The following CDK17 variants were observed in gnomAD, a reference collection of about 807,000 sequenced individuals.
CDK17 encodes the protein cyclin dependent kinase 17.
In CDK17, 24 loss-of-function variants were observed where a neutral mutation model predicts 77.6. That is an observed-to-expected ratio of 0.31 (90% CI 0.22 to 0.44). The LOEUF is 0.44. Among genes scored for constraint, CDK17 ranks in the 20% least tolerant of loss-of-function variants. The pLI is 1.00. For synonymous variants in CDK17, 203 were observed against 210.4 expected (o/e 0.96, Z 0.30); for missense variants, 429 against 622.5 (o/e 0.69, Z 3.31).
chr12:96,293,498 A>G (rs143094558), intron 10 of CDK17, among the ~76,000 whole-genome samples: 52 of 152,376 alleles, frequency 3.4e-4, no homozygotes, highest in Middle Eastern at 6.8e-3. Flanking sequence ...TCACACAGAT[A>G]TGAGGTTGAA....
rs1458305341 is a variant in CDK17 at position 96,290,824 on chromosome 12, G to A, written c.998-1537C>T. On this transcript the variant is annotated intron_variant, in intron 10 of 16. Transcript: ENST00000261211. Reference sequence around the variant, plus strand: ...ACTCTCCCACTCCTGAGAGGATTCCGAACTATGGTGTTTGTGTACATGGCC... The same window carrying A: ...ACTCTCCCACTCCTGAGAGGATTCCAAACTATGGTGTTTGTGTACATGGCC... Among the ~76,000 whole-genome samples the A allele has an allele frequency of 3.3e-5, 5 of 152,150 alleles. No homozygotes were observed. The South Asian group carries it at 6.2e-4, about 19-fold the overall frequency.
chr12:96,302,636 C>A (rs1197427702), intron 5 of CDK17, among the ~76,000 whole-genome samples: 1 of 151,978 alleles, frequency 6.6e-6, no homozygotes, highest in Non-Finnish European at 1.5e-5. Flanking sequence ...AGACTGTAAG[C>A]TAGGCATTTT....
At chr12:96,343,717 G>A (rs1016364434) in intron 1 of CDK17, among the ~76,000 whole-genome samples, 3 of 152,336 alleles carry the variant, frequency 2.0e-5, no homozygotes, top group East Asian at 1.9e-4. Context: ...GATGACAACA[G>A]CCTTCAACTA....
At chr12:96,338,557 A>G (rs1005487112) in intron 1 of CDK17, among the ~76,000 whole-genome samples, 8 of 151,952 alleles carry the variant, frequency 5.3e-5, no homozygotes, top group African/African-American at 1.9e-4. Flanking sequence ...CTAGTCACTA[A>G]TTTTTGTATT....
chr12:96,310,530 C>A (rs1266588076), intron 5 of CDK17, among the ~76,000 whole-genome samples: 1 of 151,848 alleles, frequency 6.6e-6, no homozygotes, highest in Non-Finnish European at 1.5e-5. Flanking sequence ...TAATCTTTAG[C>A]ATCAGAAGGC....
chr12:96,301,241 C>CA (rs376295045), intron 5 of CDK17, among the ~76,000 whole-genome samples: 33,366 of 85,244 alleles, frequency 0.39, 5,478 homozygotes, highest in East Asian at 0.61. Flanking sequence ...AACACTCGGC[C>CA]AAAAAAAAAA....
chr12:96,307,378 T>C (rs1316351455), intron 5 of CDK17, among the ~76,000 whole-genome samples: 1 of 152,176 alleles, frequency 6.6e-6, no homozygotes, highest in Non-Finnish European at 1.5e-5. Flanking sequence ...GAGGGCACTG[T>C]TTTTCTTAAT....
chr12:96,308,146 G>A (rs2137099137), intron 5 of CDK17, among the ~76,000 whole-genome samples: 1 of 146,340 alleles, frequency 6.8e-6, no homozygotes. Context: ...TATAATCCTA[G>A]CACTTCGGGA....
At chr12:96,304,589 C>A (rs1440328143) in intron 5 of CDK17, among the ~76,000 whole-genome samples, 1 of 152,100 alleles carries the variant, frequency 6.6e-6, no homozygotes, top group Non-Finnish European at 1.5e-5. Context: ...TTCAAACATT[C>A]ATTTCCCTCT....
intron 1 of CDK17, among the ~76,000 whole-genome samples, chr12:96,346,370 T>A (rs1244796475): frequency 1.3e-5 from 2 of 148,954 alleles, no homozygotes; most frequent in South Asian, 2.1e-4. Context: ...GAGAATCACT[T>A]GAACCTGGGA....
intron 5 of CDK17, among the ~76,000 whole-genome samples, chr12:96,303,703 T>C (rs183560563): frequency 3.6e-4 from 54 of 151,996 alleles, no homozygotes; most frequent in African/African-American, 1.2e-3. Context: ...TAAATTATAA[T>C]TTATAATAGT....
intron 3 of CDK17, among the ~76,000 whole-genome samples, chr12:96,320,164 C>G (rs561645634): frequency 1.8e-4 from 28 of 151,968 alleles, no homozygotes; most frequent in African/African-American, 6.8e-4. Context: ...ACACCAACAA[C>G]AGACAAACAG....
chr12:96,365,879 A>T (rs1484626342), intron 1 of CDK17, among the ~76,000 whole-genome samples: 3 of 152,016 alleles, frequency 2.0e-5, no homozygotes, highest in African/African-American at 4.8e-5. Context: ...TGTCTCAATT[A>T]AAAAAAAGTT....
intron 1 of CDK17, among the ~76,000 whole-genome samples, chr12:96,362,035 A>C (rs1953500424): frequency 1.3e-5 from 2 of 152,156 alleles, no homozygotes; most frequent in East Asian, 3.8e-4. Flanking sequence ...CTTTTTATTA[A>C]TATTTATCTT....
At chr12:96,312,482 A>G (rs893172889) in intron 4 of CDK17, among the ~76,000 whole-genome samples, 1 of 152,140 alleles carries the variant, frequency 6.6e-6, no homozygotes, top group African/African-American at 2.4e-5. Context: ...TCACATAAAT[A>G]TATCGTTGAT....
intron 1 of CDK17, among the ~76,000 whole-genome samples, chr12:96,372,233 A>G (rs2137209969): frequency 6.6e-6 from 1 of 152,302 alleles, no homozygotes; most frequent in Non-Finnish European, 1.5e-5. Context: ...TAAAAATGCC[A>G]GCATTCTTCA....
At chr12:96,385,796 A>G (rs1025016927) in intron 1 of CDK17, among the ~76,000 whole-genome samples, 3 of 152,212 alleles carry the variant, frequency 2.0e-5, no homozygotes, top group African/African-American at 7.2e-5. Flanking sequence ...TCTAAAACTA[A>G]TAACTGAGAC....
chr12:96,387,786 G>C (rs1953999923), intron 1 of CDK17, among the ~76,000 whole-genome samples: 1 of 150,502 alleles, frequency 6.6e-6, no homozygotes, highest in Non-Finnish European at 1.5e-5. Context: ...TATCAAAAAA[G>C]TAAAAAATCA....
chr12:96,280,842 G>A lies in CDK17; in HGVS notation c.1500C>T (p.Asp500=), dbSNP rs1233511745. The change falls in exon 16 of 17, where the codon GAC becomes GAT. Residue 500 remains aspartate (D), a synonymous_variant. Coordinates refer to ENST00000261211, the MANE Select transcript of CDK17 (RefSeq NM_002595.5). The part of the protein sequence containing the change: ...FSLKEIQLQK[D]PGFRNSSYPE... ...GATAAGAAGAATTTCGAAAACCCGG[G>A]TCCTTTTGCAACTGAATCTCTTTCA... is the stretch of plus-strand genomic sequence containing the variant. 3 of 1,613,792 alleles carry A rather than the reference G, an allele frequency of 1.9e-6. No individual in the cohort carries two copies. In the African/African-American group the frequency reaches 4.0e-5, roughly 22 times the overall value.
Sources: allele counts gnomAD v4.1 joint callset (sites outside exome capture counted in the v4.1 genomes callset), GRCh38; gene constraint gnomAD v4.1.1; transcripts MANE v1.5; gene names NCBI Gene and HGNC (gene_info 2026-07-23, HGNC 2026-07-21).